Variants in ZDHHC3 observed in about 807,000 individuals in gnomAD.
ZDHHC3 encodes zDHHC palmitoyltransferase 3, also known as palmitoyltransferase ZDHHC3.
A neutral mutation model predicts 30.6 loss-of-function variants in ZDHHC3; 9 were observed. That is an observed-to-expected ratio of 0.29 (90% CI 0.18 to 0.51). The LOEUF is 0.51. Ranked by LOEUF, ZDHHC3 falls within the 20% of genes least tolerant of loss-of-function variation. The pLI, the probability that ZDHHC3 is intolerant of heterozygous loss-of-function variation, is 0.97. For synonymous variants in ZDHHC3, 136 were observed against 140.2 expected (o/e 0.97, Z 0.21); for missense variants, 246 against 384.2 (o/e 0.64, Z 3.01).
intron 3 of ZDHHC3, among the ~76,000 whole-genome samples, chr3:44,944,929 T>C (rs1456627639): frequency 6.6e-6 from 1 of 152,172 alleles, no homozygotes; most frequent in Non-Finnish European, 1.5e-5. Context: ...CAGAGCCAAG[T>C]CCCGGGACAG....
At chr3:44,973,275 AG>A (rs1705554577) in intron 1 of ZDHHC3, among the ~76,000 whole-genome samples, 1 of 152,160 alleles carries the variant, frequency 6.6e-6, no homozygotes, top group South Asian at 2.1e-4. Context: ...GGTGATGGTT[AG>A]GAGTATGGGC....
chr3:44,960,248 T>A (rs1401403854), intron 1 of ZDHHC3, among the ~76,000 whole-genome samples: 1 of 152,170 alleles, frequency 6.6e-6, no homozygotes, highest in Non-Finnish European at 1.5e-5. Flanking sequence ...TCATGTGCCA[T>A]TGTTTCCTCA....
At position 44,919,068 on chromosome 3, in the gene ZDHHC3, T is replaced by C; in HGVS notation, c.*7621A>G. On this transcript the variant is annotated 3_prime_UTR_variant, in exon 7 of 7. Transcript: ENST00000424952. Reference sequence around the variant, plus strand: ...TCTAGCACTTTTTCTTCCCACGCCATTTCAGAGATTTAAGATTCTTGACTT... The same window carrying C: ...TCTAGCACTTTTTCTTCCCACGCCACTTCAGAGATTTAAGATTCTTGACTT... The C allele has an allele frequency of 1.0e-5, 10 of 985,412 alleles. No homozygotes were observed. Among genetic ancestry groups the C allele is most frequent in the Non-Finnish European group, 1.2e-5 (10 of 829,904 alleles). 61.0% of individuals were successfully genotyped at this position (985,412 alleles called of 1,614,324 possible).
chr3:44,943,113 C>T (rs1181397047), intron 3 of ZDHHC3, among the ~76,000 whole-genome samples: 1 of 152,204 alleles, frequency 6.6e-6, no homozygotes, highest in African/African-American at 2.4e-5. Flanking sequence ...TACCCAGGCT[C>T]CTCAGCCCTC....
At position 44,923,906 on chromosome 3, in the gene ZDHHC3, T is replaced by C; in HGVS notation, c.*2783A>G. The C allele has an allele frequency of 1.0e-6, 1 of 985,446 alleles. No individual in the cohort carries two copies. The highest frequency in any genetic ancestry group is 1.2e-6 in the Non-Finnish European group (1 of 829,942). 61.0% of individuals were successfully genotyped at this position (985,446 alleles called of 1,614,324 possible). A position where few individuals can be genotyped will look rare whatever the true frequency, so the allele number is the denominator to read the frequency against. ...CAAATGTGTTTTGTGTACATGATATTACCAAGCCCATGCAAATATGCATAG... is the reference window on the plus strand; with the variant it reads ...CAAATGTGTTTTGTGTACATGATATCACCAAGCCCATGCAAATATGCATAG... On this transcript the variant is annotated 3_prime_UTR_variant, in exon 7 of 7. Coordinates refer to ENST00000424952, the MANE Select transcript of ZDHHC3 (RefSeq NM_001135179.2).
intron 2 of ZDHHC3, among the ~76,000 whole-genome samples, chr3:44,949,934 T>C (rs1260441500): frequency 6.6e-6 from 1 of 152,098 alleles, no homozygotes. Flanking sequence ...CTTCCAGGCT[T>C]AGGTGATCCT....
At chr3:44,962,525 AAGG>A in intron 1 of ZDHHC3, among the ~76,000 whole-genome samples, 1 of 150,282 alleles carries the variant, frequency 6.7e-6, no homozygotes, top group Non-Finnish European at 1.5e-5. Flanking sequence ...GGAAGGAAGG[AAGG>A]AAGGAAGGAA....
At chr3:44,948,008 G>C (rs1703098731) in intron 2 of ZDHHC3, among the ~76,000 whole-genome samples, 1 of 152,138 alleles carries the variant, frequency 6.6e-6, no homozygotes, top group Admixed American at 6.5e-5. Context: ...CATTGGACTG[G>C]GGCACTCTTC....
In ZDHHC3 at chr3:44,920,250, G is replaced by C. The variant is rs1219732524; in HGVS notation, c.*6439C>G. On this transcript the variant is annotated 3_prime_UTR_variant, in exon 7 of 7. Coordinates refer to ENST00000424952, the MANE Select transcript of ZDHHC3 (RefSeq NM_001135179.2). ...TGCTTCCTGACTGGCCCCTCGCCAG[G>C]CCTCCCTTCTTGGCACAGAAGCAGT... The C allele has an allele frequency of 3.1e-6, 4 of 1,289,762 alleles. No individual in the cohort carries two copies. Among genetic ancestry groups the C allele is most frequent in the Non-Finnish European group, 4.0e-6 (4 of 988,868 alleles). The allele number at this position is 1,289,762 out of a possible 1,614,324, so 79.9% of individuals were successfully genotyped here.
intron 1 of ZDHHC3, among the ~76,000 whole-genome samples, chr3:44,964,280 C>A (rs1293968177): frequency 6.6e-6 from 1 of 152,218 alleles, no homozygotes; most frequent in Non-Finnish European, 1.5e-5. Flanking sequence ...TAGACTTTTT[C>A]ATGGCAAGGA....
At chr3:44,937,760 C>G in intron 3 of ZDHHC3, 1 of 314,876 alleles carries the variant, frequency 3.2e-6, no homozygotes, top group South Asian at 2.9e-5. Context: ...GTGTGGGCCC[C>G]CAAGATTGCA....
chr3:44,917,805 C>T lies in ZDHHC3; in HGVS notation c.*8884G>A, dbSNP rs954487212. 10 of 1,228,678 alleles carry T rather than the reference C, an allele frequency of 8.1e-6. No individual in the cohort carries two copies. The highest frequency in any genetic ancestry group is 1.4e-5 in the South Asian group (1 of 72,100). The allele number at this position is 1,228,678 out of a possible 1,614,324, so 76.1% of individuals were successfully genotyped here. On this transcript the variant is annotated 3_prime_UTR_variant, in exon 7 of 7. Coordinates refer to ENST00000424952, the MANE Select transcript of ZDHHC3 (RefSeq NM_001135179.2). ...AGGGAAGCACTGGGGGTGCTGGGAG[C>T]GCACCATGCCCATAAGCCCCTTTAG...
At chr3:44,971,997 C>T (rs1336560557) in intron 1 of ZDHHC3, among the ~76,000 whole-genome samples, 2 of 152,102 alleles carry the variant, frequency 1.3e-5, no homozygotes, top group African/African-American at 4.8e-5. Context: ...AGACAAGGTA[C>T]AGGCGGGACA....
intron 5 of ZDHHC3, 21 bp from the exon 6 acceptor site, chr3:44,929,457 A>G (rs750965427): frequency 1.2e-6 from 2 of 1,613,020 alleles, no homozygotes; most frequent in Non-Finnish European, 1.7e-6. Flanking sequence ...AGCAGCACAC[A>G]GGGATTGGTA....
chr3:44,947,240 TG>T (rs1481634496), intron 2 of ZDHHC3, among the ~76,000 whole-genome samples: 3 of 152,180 alleles, frequency 2.0e-5, no homozygotes, highest in African/African-American at 7.2e-5. Flanking sequence ...TGAGAAGAGC[TG>T]ATCAGTTCAG....
chr3:44,936,517 G>A (rs1701975222), intron 3 of ZDHHC3, among the ~76,000 whole-genome samples: 2 of 152,150 alleles, frequency 1.3e-5, no homozygotes, highest in Admixed American at 1.3e-4. Flanking sequence ...ACATACCTAA[G>A]GGAATAGAAA....
chr3:44,960,632 A>G lies in ZDHHC3; in HGVS notation c.-24-1172T>C, dbSNP rs535955268. ...ATCACCAACCAGGTTTCTCAGTTAG[A>G]AACTGTGATGGCTCAAGCTCCCCAC... On this transcript the variant is annotated intron_variant, in intron 1 of 6. Coordinates refer to ENST00000424952, the MANE Select transcript of ZDHHC3 (RefSeq NM_001135179.2). 5.9e-5 allele frequency among the ~76,000 whole-genome samples: 9 copies of G among 152,312 alleles called. No homozygotes were observed. In the East Asian group the frequency reaches 1.5e-3, roughly 26 times the overall value.
chr3:44,942,934 A>AG (rs1553687825), intron 3 of ZDHHC3, among the ~76,000 whole-genome samples: 1 of 152,222 alleles, frequency 6.6e-6, no homozygotes, highest in Non-Finnish European at 1.5e-5. Context: ...TTTAAAAAAA[A>AG]TCTGAGTGAT....
Position 44,917,838 on chromosome 3 carries a change from C to A in ZDHHC3, c.*8851G>T. The stretch of plus-strand genomic sequence containing the variant: ...GCCCATAAGCCCCTTTAGCCAAAAC[C>A]CCAGGATGAAGGTTGACAGCACTTT... On this transcript the variant is annotated 3_prime_UTR_variant, in exon 7 of 7. Coordinates refer to ENST00000424952, the MANE Select transcript of ZDHHC3 (RefSeq NM_001135179.2). 2 of 1,279,384 alleles carry A rather than the reference C, an allele frequency of 1.6e-6. No homozygotes were observed. The highest frequency in any genetic ancestry group is 2.0e-6 in the Non-Finnish European group (2 of 980,956). 79.3% of individuals were successfully genotyped at this position (1,279,384 alleles called of 1,614,324 possible).
Sources: allele counts gnomAD v4.1 joint callset (sites outside exome capture counted in the v4.1 genomes callset), GRCh38; gene constraint gnomAD v4.1.1; transcripts MANE v1.5; gene names NCBI Gene and HGNC (gene_info 2026-07-23, HGNC 2026-07-21).